Variants in ARID1A observed in about 807,000 individuals in gnomAD.
ARID1A encodes the protein AT-rich interaction domain 1A, also known as AT-rich interactive domain-containing protein 1A.
A neutral mutation model predicts 212.6 loss-of-function variants in ARID1A; 20 were observed. The ratio of observed to expected loss-of-function variants is 0.09; its 90% confidence interval spans 0.07 to 0.14. ARID1A has a LOEUF of 0.14. ARID1A is among the 10% of genes least tolerant of loss of function. The pLI, the probability that ARID1A is intolerant of heterozygous loss-of-function variation, is 1.00. For missense variants in ARID1A, 2,587 were observed against 3,059.0 expected, an observed-to-expected ratio of 0.85 and a Z score of 3.64; for synonymous variants, 1,376 against 1,222.1, an observed-to-expected ratio of 1.13 and a Z score of -2.63.
chr1:26,773,272 G>A (rs2124109556), intron 14 of ARID1A, 74 bp from the exon 15 acceptor site: 1 of 1,496,446 alleles, frequency 6.7e-7, no homozygotes, highest in Non-Finnish European at 9.0e-7. Context: ...CTCTGAAGAG[G>A]GCCTGGGTCA....
chr1:26,767,025 C>T (rs2081045754), intron 10 of ARID1A, among the ~76,000 whole-genome samples: 1 of 152,202 alleles, frequency 6.6e-6, no homozygotes, highest in African/African-American at 2.4e-5. Context: ...GAGTCCTTGG[C>T]TTCCCTTAGG....
Position 26,762,205 on chromosome 1 carries a change from T to C in ARID1A, c.2305T>C (p.Ser769Pro), listed in dbSNP as rs2124063410. ...MPQYSSPQPGSALSPRQPSGG... is the reference protein window; with the variant it reads ...MPQYSSPQPGPALSPRQPSGG... ...CCAGTACAGTTCCCCCCAGCCCGGC[T>C]CAGCCTTATCTCCGCGTCAGCCTTC... The change falls in exon 7 of 20, where the codon TCA (serine) becomes CCA (proline). Residue 769 changes from serine (S) to proline (P), a missense_variant. Physicochemically the swap from Ser to Pro is moderately conservative, Grantham distance 74. Around this residue, in one of 11 missense-constraint regions of ARID1A, gnomAD observed 674 missense variants for 813.4 expected, o/e 0.83. Coordinates refer to ENST00000324856, the MANE Select transcript of ARID1A (RefSeq NM_006015.6). 1 of 1,614,100 alleles carries C rather than the reference T, an allele frequency of 6.2e-7. No individual in the cohort carries two copies. The highest frequency in any genetic ancestry group is 1.6e-4 in the Middle Eastern group (1 of 6,062).
At chr1:26,729,208 G>A (rs889597772) in intron 1 of ARID1A, 2 of 187,236 alleles carry the variant, frequency 1.1e-5, no homozygotes, top group Admixed American at 5.3e-5. Flanking sequence ...CTATAGATGT[G>A]TAAGGGGAGT....
In ARID1A at chr1:26,779,072, T is replaced by G. The variant is rs2124136777; in HGVS notation, c.5174T>G (p.Ile1725Ser). The change falls in exon 20 of 20, where the codon ATT becomes AGT. Residue 1725 changes from isoleucine (I) to serine (S), a missense_variant. Transcript: ENST00000324856. ...GTAGAATATTTCCGACGATGCCTGATTGAGATCTTTGGCATTTTAAAGGAG... is the reference window on the plus strand; with the variant it reads ...GTAGAATATTTCCGACGATGCCTGAGTGAGATCTTTGGCATTTTAAAGGAG... ...LLVEYFRRCL[I>S]EIFGILKEYE... 4 of 1,512,582 alleles carry G rather than the reference T, an allele frequency of 2.6e-6. No individual in the cohort carries two copies. The highest frequency in any genetic ancestry group is 2.3e-5 in the Admixed American group (1 of 44,346). 93.7% of individuals were successfully genotyped at this position (1,512,582 alleles called of 1,614,324 possible).
At chr1:26,732,459 G>A (rs958638578) in intron 3 of ARID1A, among the ~76,000 whole-genome samples, 6 of 152,184 alleles carry the variant, frequency 3.9e-5, no homozygotes, top group African/African-American at 1.4e-4. Context: ...GCCCTCTGTA[G>A]GCAGCAATAA....
chr1:26,698,701 G>T (rs769659695), intron 1 of ARID1A, among the ~76,000 whole-genome samples: 1 of 152,164 alleles, frequency 6.6e-6, no homozygotes, highest in Non-Finnish European at 1.5e-5. Flanking sequence ...TGGTATAAAT[G>T]ACTTCTTTGA....
chr1:26,744,495 A>G (rs1231087589), intron 4 of ARID1A, among the ~76,000 whole-genome samples: 4 of 152,064 alleles, frequency 2.6e-5, no homozygotes, highest in South Asian at 4.1e-4. Flanking sequence ...CATTAAGCAC[A>G]CCGTTTGAAT....
At chr1:26,767,329 C>T (rs1414954928) in intron 10 of ARID1A, among the ~76,000 whole-genome samples, 2 of 152,118 alleles carry the variant, frequency 1.3e-5, no homozygotes, top group Non-Finnish European at 2.9e-5. Flanking sequence ...ATCCCATTGC[C>T]TCAAGATCAT....
intron 1 of ARID1A, among the ~76,000 whole-genome samples, chr1:26,715,708 A>C (rs1199586501): frequency 3.3e-5 from 5 of 152,130 alleles, no homozygotes; most frequent in Non-Finnish European, 1.5e-5. Flanking sequence ...AATGTTGTTT[A>C]ATTTAAAGCA....
Position 26,766,384 on chromosome 1 carries a change from T to C in ARID1A, c.2878+18T>C, listed in dbSNP as rs2124080729. ...TTCTGCAGGTAAGTGCTAGTCATTC[T>C]CACTAGGGATTTCTTCAAGAGTCAC... On this transcript the variant is annotated intron_variant, in intron 9 of 19. Transcript: ENST00000324856. The C allele has an allele frequency of 6.2e-7, 1 of 1,614,076 alleles. No homozygotes were observed. The highest frequency in any genetic ancestry group is 1.3e-5 in the African/African-American group (1 of 75,030).
At chr1:26,710,348 C>T (rs557178123) in intron 1 of ARID1A, among the ~76,000 whole-genome samples, 5 of 134,246 alleles carry the variant, frequency 3.7e-5, no homozygotes, top group African/African-American at 7.7e-5. Flanking sequence ...GCAGGAGAAT[C>T]GCTTGAACCT....
chr1:26,743,250 T>TTCTC (rs372211517), intron 4 of ARID1A, among the ~76,000 whole-genome samples: 2 of 152,170 alleles, frequency 1.3e-5, no homozygotes, highest in Non-Finnish European at 2.9e-5. Context: ...GTATACCTGT[T>TTCTC]TCTCTCTCTT....
chr1:26,778,068 CAAAAAA>C (rs35541790), intron 19 of ARID1A: 2 of 101,110 alleles, frequency 2.0e-5, no homozygotes, highest in African/African-American at 3.9e-5. Flanking sequence ...GACTCTGTCT[CAAAAAA>C]AAAAAAAAAA....
intron 1 of ARID1A, among the ~76,000 whole-genome samples, chr1:26,722,711 T>C (rs919111057): frequency 6.6e-6 from 1 of 152,214 alleles, no homozygotes; most frequent in African/African-American, 2.4e-5. Context: ...AATTGTGAAG[T>C]AGAAAACTGA....
intron 1 of ARID1A, among the ~76,000 whole-genome samples, chr1:26,711,253 C>T (rs1216889552): frequency 1.3e-5 from 2 of 151,952 alleles, no homozygotes; most frequent in Non-Finnish European, 2.9e-5. Context: ...ATTACAGGTC[C>T]ACGCCACCAC....
chr1:26,739,483 A>AG (rs948605046), intron 4 of ARID1A, among the ~76,000 whole-genome samples: 12 of 152,344 alleles, frequency 7.9e-5, no homozygotes, highest in African/African-American at 2.4e-4. Context: ...ATGAGACTGA[A>AG]GTAGGTAGTC....
Position 26,774,795 on chromosome 1 carries a change from A to G in ARID1A, c.4568A>G (p.Tyr1523Cys), listed in dbSNP as rs1238182894. Residue 1523 changes from tyrosine (Y) to cysteine (C), a missense_variant, in exon 18 of 20, where the codon TAT becomes TGT. Tyr to Cys is a radical substitution (Grantham distance 194, BLOSUM62 -2). Coordinates refer to ENST00000324856, the MANE Select transcript of ARID1A (RefSeq NM_006015.6). This position sits in a 1 kb window ranked among gnomAD's most constrained non-coding sequence, Gnocchi z 5.6. ...GGCTCTGCCCCCCAGGGCCCCGCCT[A>G]TCATGGCGTGAACCGAACAGATGAA... ...STGSAPQGPA[Y>C]HGVNRTDEML... The G allele has an allele frequency of 2.5e-6, 4 of 1,614,160 alleles. No individual in the cohort carries two copies. Among genetic ancestry groups the G allele is most frequent in the Non-Finnish European group, 3.4e-6 (4 of 1,180,004 alleles).
At position 26,779,388 on chromosome 1, in the gene ARID1A, G is replaced by A. The variant is rs1230093259; in HGVS notation, c.5490G>A (p.Lys1830=). ...CATTTGTGGTGGACTGCTCAGATAA[G>A]CTTGGGCGTGTGCAGGAGTTTGACA... ...NDPFVVDCSD[K]LGRVQEFDSG... is the part of the protein sequence containing the mutation. The change falls in exon 20 of 20, where the codon AAG becomes AAA. Residue 1830 remains lysine (K), a synonymous_variant. Transcript: ENST00000324856. The A allele has an allele frequency of 1.2e-6, 2 of 1,614,236 alleles. No individual in the cohort carries two copies. The highest frequency in any genetic ancestry group is 8.5e-7 in the Non-Finnish European group (1 of 1,180,050).
chr1:26,773,420 G>C lies in ARID1A; in HGVS notation c.3790G>C (p.Ala1264Pro), dbSNP rs2124110921. ...GATGGGTGACCCCTACAGTCGTGCT[G>C]CCGGCCCTGGGCTAGGAAATGTGGC... ...GGMGDPYSRA[A>P]GPGLGNVAMG... is the part of the protein sequence containing the mutation. The change falls in exon 15 of 20, where the codon GCC becomes CCC. Residue 1264 changes from alanine to proline, a missense_variant. This residue lies in a region of ARID1A where 890 missense variants were observed against 1,098.2 expected (regional missense o/e 0.81). Transcript: ENST00000324856. 3 of 1,613,510 alleles carry C rather than the reference G, an allele frequency of 1.9e-6. No homozygotes were observed. The highest frequency in any genetic ancestry group is 2.5e-6 in the Non-Finnish European group (3 of 1,179,698).
Sources: gnomAD v4.1 joint callset for allele counts (sites outside exome capture counted in the v4.1 genomes callset) on GRCh38, gnomAD v4.1.1 for gene constraint, gnomAD v4.1.1 regional missense constraint, Gnocchi (gnomAD v3.1) non-coding constraint, MANE v1.5 for transcripts, NCBI Gene and HGNC (gene_info 2026-07-23, HGNC 2026-07-21) for gene names.